Variants in CTH observed in about 807,000 individuals in gnomAD.
CTH encodes cystathionase (cystathionine gamma-lyase).
Under a neutral mutation model 50.6 loss-of-function variants are expected in CTH, and 41 were observed. The observed-to-expected ratio is 0.81, with a 90% CI of 0.63 to 1.05. The LOEUF (loss-of-function observed/expected upper bound fraction) is 1.05, where lower values mean the gene tolerates loss of function less well. Among genes scored for constraint, CTH ranks in the 50% least tolerant of loss-of-function variants. CTH has a pLI of 0.00. For missense variants in CTH, 470 were observed against 492.6 expected, an observed-to-expected ratio of 0.95 and a Z score of 0.43; for synonymous variants, 156 against 168.9, an observed-to-expected ratio of 0.92 and a Z score of 0.59.
intron 2 of CTH, among the ~76,000 whole-genome samples, chr1:70,416,815 G>A (rs979578278): frequency 2.6e-5 from 4 of 151,918 alleles, no homozygotes; most frequent in African/African-American, 9.7e-5. Flanking sequence ...TCCCGCCTTG[G>A]ACTCCCAAAG....
intron 1 of CTH, 111 bp from the exon 2 acceptor site, chr1:70,415,845 T>C: frequency 1.4e-6 from 1 of 725,928 alleles, no homozygotes; most frequent in Non-Finnish European, 2.5e-6. Context: ...AGACATATCA[T>C]GACTAAAGAA....
At chr1:70,436,450 T>C (rs764414093) in intron 10 of CTH, among the ~76,000 whole-genome samples, 2 of 152,226 alleles carry the variant, frequency 1.3e-5, no homozygotes, top group Admixed American at 1.3e-4. Flanking sequence ...ATGTTGTAAT[T>C]ACTGCAGGGT....
intron 1 of CTH, among the ~76,000 whole-genome samples, chr1:70,415,204 C>T (rs1684064510): frequency 1.3e-5 from 2 of 152,178 alleles, no homozygotes; most frequent in South Asian, 2.1e-4. Context: ...AGTTCAAGAC[C>T]AGCCTGGGCA....
intron 1 of CTH, among the ~76,000 whole-genome samples, chr1:70,412,267 A>G (rs1415281502): frequency 6.6e-6 from 1 of 152,242 alleles, no homozygotes; most frequent in Non-Finnish European, 1.5e-5. Context: ...GCTAGTAACA[A>G]TTTAGCCTAT....
intron 5 of CTH, among the ~76,000 whole-genome samples, chr1:70,426,843 TG>T (rs1324518019): frequency 6.6e-6 from 1 of 152,200 alleles, no homozygotes; most frequent in African/African-American, 2.4e-5. Context: ...TAGCTTTAGC[TG>T]AGACACAGTG....
rs796456239 is a variant in CTH at position 70,411,301 on chromosome 1, G to T, written c.-115G>T. ...AGTGCGCTCGCCGTCGGCTCTACCT[G>T]CGTGCTTTAGCTCCTTCTCGCCTGA... On this transcript the variant is annotated 5_prime_UTR_variant, in exon 1 of 12. Transcript: ENST00000370938. 1 of 1,064,472 alleles carries T rather than the reference G, an allele frequency of 9.4e-7. No individual in the cohort carries two copies. The highest frequency in any genetic ancestry group is 2.4e-5 in the East Asian group (1 of 42,400). The allele number at this position is 1,064,472 out of a possible 1,614,324, so 65.9% of individuals were successfully genotyped here.
intron 3 of CTH, among the ~76,000 whole-genome samples, chr1:70,418,964 T>TCCCTCCC (rs1299786046): frequency 3.4e-5 from 4 of 116,668 alleles, no homozygotes. Flanking sequence ...CCTAATGCTA[T>TCCCTCCC]CCCTCCCCCC....
In CTH at chr1:70,424,290, T is replaced by G. The variant is rs746859922; in HGVS notation, c.462T>G (p.Val154=). ...TATTTGCTGAATTATTTTAGCTTGT[T>G]TGGATCGAAACCCCCACAAACCCCA... ...EAAITPETKL[V]WIETPTNPTQ... is the part of the protein sequence containing the mutation. The change falls in exon 5 of 12, where the codon GTT becomes GTG. Residue 154 remains valine, a synonymous_variant. Coordinates refer to ENST00000370938, the MANE Select transcript of CTH (RefSeq NM_001902.6). 10 of 1,614,010 alleles carry G rather than the reference T, an allele frequency of 6.2e-6. No individual in the cohort carries two copies. In the Admixed American group the frequency reaches 1.5e-4, roughly 24 times the overall value.
chr1:70,425,928 A>G (rs950158209), intron 5 of CTH, among the ~76,000 whole-genome samples: 5 of 152,106 alleles, frequency 3.3e-5, no homozygotes, highest in African/African-American at 1.2e-4. Flanking sequence ...GATCCAAACC[A>G]TATCAGGCAA....
intron 5 of CTH, among the ~76,000 whole-genome samples, 167 bp from the exon 6 acceptor site, chr1:70,429,627 G>A (rs1268493377): frequency 6.6e-6 from 1 of 152,110 alleles, no homozygotes. Context: ...TGGGAGGGAG[G>A]CAAAGGAGAA....
At chr1:70,412,892 A>G (rs1447874239) in intron 1 of CTH, among the ~76,000 whole-genome samples, 1 of 152,210 alleles carries the variant, frequency 6.6e-6, no homozygotes, top group Non-Finnish European at 1.5e-5. Flanking sequence ...AAGGCAGGAC[A>G]GGTATTATGT....
At position 70,434,888 on chromosome 1, in the gene CTH, G is replaced by A. The variant is rs573088026; in HGVS notation, c.1000-237G>A. 51 of 360,864 alleles carry A rather than the reference G, an allele frequency of 1.4e-4. 1 individual carries two copies. In the Admixed American group the frequency reaches 1.5e-3, roughly 11 times the overall value. The allele number at this position is 360,864 out of a possible 1,614,324, so 22.4% of individuals were successfully genotyped here. A position where few individuals can be genotyped will look rare whatever the true frequency, so the allele number is the denominator to read the frequency against. ...CTGCTTCAGCCTTCCAGGTAGCTGG[G>A]ATTACAGGTGCGTGCCACCATGCTC... On this transcript the variant is annotated intron_variant, in intron 9 of 11. Transcript: ENST00000370938.
chr1:70,419,859 C>G (rs115169016), intron 3 of CTH, among the ~76,000 whole-genome samples: 2,910 of 152,202 alleles, frequency 0.019, 94 homozygotes, highest in African/African-American at 0.066. Flanking sequence ...ACATATATTC[C>G]AGATGCTTCC....
At chr1:70,426,630 G>A (rs537152495) in intron 5 of CTH, among the ~76,000 whole-genome samples, 4 of 152,280 alleles carry the variant, frequency 2.6e-5, no homozygotes, top group South Asian at 2.1e-4. Context: ...AGACACCTTC[G>A]TGGGCCATCT....
chr1:70,413,720 C>T (rs1684024342), intron 1 of CTH, among the ~76,000 whole-genome samples: 2 of 146,042 alleles, frequency 1.4e-5, no homozygotes, highest in Admixed American at 1.4e-4. Context: ...GTTAAATCCA[C>T]AAAAACTCTG....
Position 70,432,240 on chromosome 1 carries a change from G to A in CTH, c.877+5G>A. ...TAGAAAAGGTTATTTATCCTGGTATGTTAATTTGATTTCTAAGCAGATCTA... is the reference window on the plus strand; with the variant it reads ...TAGAAAAGGTTATTTATCCTGGTATATTAATTTGATTTCTAAGCAGATCTA... On this transcript the variant is annotated splice_donor_5th_base_variant and intron_variant, in intron 8 of 11. Transcript: ENST00000370938. 6.2e-7 allele frequency: 1 copy of A among 1,614,100 alleles called. No homozygotes were observed. Among genetic ancestry groups the A allele is most frequent in the Non-Finnish European group, 8.5e-7 (1 of 1,179,960 alleles).
intron 5 of CTH, among the ~76,000 whole-genome samples, chr1:70,426,882 A>G (rs1468230892): frequency 6.6e-6 from 1 of 152,124 alleles, no homozygotes; most frequent in Non-Finnish European, 1.5e-5. Flanking sequence ...AAAAGATTGC[A>G]TACGTTTTGT....
chr1:70,414,298 G>C (rs929688219), intron 1 of CTH, among the ~76,000 whole-genome samples: 1 of 151,730 alleles, frequency 6.6e-6, no homozygotes, highest in Admixed American at 6.6e-5. Context: ...TGGGTCATGA[G>C]GTCAGGAGAT....
chr1:70,421,773 A>G, intron 4 of CTH, 98 bp downstream of exon 4: 1 of 1,228,948 alleles, frequency 8.1e-7, no homozygotes, highest in African/African-American at 1.5e-5. Flanking sequence ...TGAATAACAA[A>G]TTTTATTTTA....
Sources: allele counts gnomAD v4.1 joint callset (sites outside exome capture counted in the v4.1 genomes callset), GRCh38; gene constraint gnomAD v4.1.1; transcripts MANE v1.5; gene names NCBI Gene and HGNC (gene_info 2026-07-23, HGNC 2026-07-21).